The following C8orf82 variants were observed in gnomAD, a reference collection of about 807,000 sequenced individuals.
C8orf82 encodes the protein UPF0598 protein C8orf82.
In C8orf82, 24 loss-of-function variants were observed where a neutral mutation model predicts 15.0. The observed-to-expected ratio is 1.60, with a 90% confidence interval of 1.16 to 2.24. The LOEUF is 2.24. Among genes scored for constraint, C8orf82 ranks in the 30% most tolerant of loss-of-function variants. The probability of loss-of-function intolerance (pLI) is 0.00; values close to 1 mark genes in which losing one functional copy is unlikely to be tolerated. For missense variants in C8orf82, 388 were observed against 317.4 expected, an observed-to-expected ratio of 1.22 and a Z score of -1.69; for synonymous variants, 205 against 152.2, an observed-to-expected ratio of 1.35 and a Z score of -2.55.
chr8:144,528,932 G>C lies in C8orf82; in HGVS notation c.-16C>G, dbSNP rs1404350697. ...GCGGCCACATTCTCCTCCCGCGCCG[G>C]AAGCGACCAGCAGGTCACGCCGGGG... On this transcript the variant is annotated 5_prime_UTR_variant, in exon 1 of 3. Transcript: ENST00000524821. The C allele has an allele frequency of 1.3e-6, 2 of 1,499,506 alleles. No individual in the cohort carries two copies. The allele number at this position is 1,499,506 out of a possible 1,614,324, so 92.9% of individuals were successfully genotyped here. A position where few individuals can be genotyped will look rare whatever the true frequency, so the allele number is the denominator to read the frequency against.
In C8orf82 at chr8:144,528,815, C is replaced by T; in HGVS notation, c.102G>A (p.Gln34=). The change falls in exon 1 of 3, where the codon CAG becomes CAA. Residue 34 remains glutamine (Q), a synonymous_variant. Coordinates refer to ENST00000524821, the MANE Select transcript of C8orf82 (RefSeq NM_001001795.2). ...GDGGVSYTQG[Q]SPEPRTREYF... is the part of the protein sequence containing the mutation. Reference sequence around the variant, plus strand: ...ACTCGCGGGTCCGCGGCTCCGGACTCTGGCCCTGCGTGTAGGAAACGCCCC... The same window carrying T: ...ACTCGCGGGTCCGCGGCTCCGGACTTTGGCCCTGCGTGTAGGAAACGCCCC... 3 of 1,507,690 alleles carry T rather than the reference C, an allele frequency of 2.0e-6. No homozygotes were observed. Among genetic ancestry groups the T allele is most frequent in the Non-Finnish European group, 2.7e-6 (3 of 1,129,864 alleles). The allele number at this position is 1,507,690 out of a possible 1,614,324, so 93.4% of individuals were successfully genotyped here.
chr8:144,528,293 T>G (rs1205800660), intron 1 of C8orf82: 2 of 1,509,338 alleles, frequency 1.3e-6, no homozygotes, highest in South Asian at 2.4e-5. Flanking sequence ...AGCCAATTCT[T>G]TCCCGCACCT....
chr8:144,528,150 G>A lies in C8orf82; in HGVS notation c.157-78C>T, dbSNP rs1816451001. ...GGAAGCTCAGGAGGTCCTGAAGCTC[G>A]GGAGGTCCTGAACCGGCCCGAGCCC... On this transcript the variant is annotated intron_variant, in intron 1 of 2. Coordinates refer to ENST00000524821, the MANE Select transcript of C8orf82 (RefSeq NM_001001795.2). 2.5e-6 allele frequency: 4 copies of A among 1,578,006 alleles called. No individual in the cohort carries two copies. The Admixed American group carries it at 5.1e-5, about 20-fold the overall frequency.
In C8orf82 at chr8:144,528,090, G is replaced by C; in HGVS notation, c.157-18C>G. The C allele has an allele frequency of 6.2e-7, 1 of 1,612,290 alleles. No individual in the cohort carries two copies. Among genetic ancestry groups the C allele is most frequent in the Non-Finnish European group, 8.5e-7 (1 of 1,179,614 alleles). On this transcript the variant is annotated intron_variant, in intron 1 of 2. Coordinates refer to ENST00000524821, the MANE Select transcript of C8orf82 (RefSeq NM_001001795.2). ...AGGAAAAGCTGCAGATAGAGGGCCA[G>C]GCCGTGATAAGTCCCAGCGTGCAGG...
Position 144,529,048 on chromosome 8 carries a change from T to G in C8orf82, c.-132A>C. The G allele has an allele frequency of 1.1e-6, 1 of 933,984 alleles. No individual in the cohort carries two copies. The highest frequency in any genetic ancestry group is 1.5e-6 in the Non-Finnish European group (1 of 689,144). 57.9% of individuals were successfully genotyped at this position (933,984 alleles called of 1,614,324 possible). On this transcript the variant is annotated 5_prime_UTR_variant, in exon 1 of 3. Coordinates refer to ENST00000524821, the MANE Select transcript of C8orf82 (RefSeq NM_001001795.2). ...CTCCGCGACCCGGGCCCGGCGCTCT[T>G]CCCTCTCCCTCGGGCCTCGGGGGCT...
In C8orf82 at chr8:144,527,295, G is replaced by T; in HGVS notation, c.*47C>A. On this transcript the variant is annotated 3_prime_UTR_variant, in exon 3 of 3. Transcript: ENST00000524821. ...TTCCGGGGCGTGGAGTCCCGGGGGA[G>T]CGGGGCGAGAGGCGCCCGCGGCCTC... 8.8e-7 allele frequency: 1 copy of T among 1,131,462 alleles called. No individual in the cohort carries two copies. Among genetic ancestry groups the T allele is most frequent in the Non-Finnish European group, 1.1e-6 (1 of 916,842 alleles). 70.1% of individuals were successfully genotyped at this position (1,131,462 alleles called of 1,614,324 possible).
At chr8:144,528,469 G>T in intron 1 of C8orf82, 1 of 1,466,024 alleles carries the variant, frequency 6.8e-7, no homozygotes, top group South Asian at 1.3e-5. Context: ...CCGGGGCTGG[G>T]GACTTGTAGG....
intron 2 of C8orf82, 113 bp from the exon 3 acceptor site, chr8:144,527,900 C>A: frequency 2.0e-6 from 3 of 1,506,420 alleles, no homozygotes; most frequent in Non-Finnish European, 2.8e-6. Context: ...CCTCACTCAG[C>A]GGGGCTCCTG....
chr8:144,528,616 C>CCGGGGGGGGGGGGG, intron 1 of C8orf82, 145 bp downstream of exon 1: 11 of 295,994 alleles, frequency 3.7e-5, no homozygotes, highest in Middle Eastern at 1.3e-3. Context: ...GCGCAGGCCC[C>CCGGGGGGGGGGGGG]GCCCACCCAC....
rs927488567 is a variant in C8orf82 at position 144,528,575 on chromosome 8, C to T, written c.156+186G>A. The T allele has an allele frequency of 5.5e-6, 7 of 1,262,162 alleles. No individual in the cohort carries two copies. In the Admixed American group the frequency reaches 1.3e-4, roughly 23 times the overall value. 78.2% of individuals were successfully genotyped at this position (1,262,162 alleles called of 1,614,324 possible). ...CTCCCCGTCTTTCCAGCGCGCTCTC[C>T]TCCAGCTCTGAGGAGTCGAGGTTGC... On this transcript the variant is annotated intron_variant, in intron 1 of 2. Transcript: ENST00000524821.
At chr8:144,528,258 C>T in intron 1 of C8orf82, 186 bp from the exon 2 acceptor site, 1 of 1,496,706 alleles carries the variant, frequency 6.7e-7, no homozygotes, top group Non-Finnish European at 8.9e-7. Flanking sequence ...TTATCCGCGT[C>T]TATGCGCACC....
chr8:144,529,007 T>G lies in C8orf82; in HGVS notation c.-91A>C. On this transcript the variant is annotated 5_prime_UTR_variant, in exon 1 of 3. Transcript: ENST00000524821. ...GCCCGCAGTAGCCCCGCGCTTCGCG[T>G]TCCGGCGGCGCCCGCCTCCGCGACC... The G allele has an allele frequency of 7.7e-7, 1 of 1,304,290 alleles. No individual in the cohort carries two copies. 80.8% of individuals were successfully genotyped at this position (1,304,290 alleles called of 1,614,324 possible).
chr8:144,528,813 C>G lies in C8orf82; in HGVS notation c.104G>C (p.Ser35Thr). The change falls in exon 1 of 3, where the codon AGT (serine) becomes ACT (threonine). Residue 35 changes from serine (S) to threonine (T), a missense_variant. By Grantham distance (58) the Ser-to-Thr change is moderately conservative (BLOSUM62 1). Coordinates refer to ENST00000524821, the MANE Select transcript of C8orf82 (RefSeq NM_001001795.2). ...DGGVSYTQGQSPEPRTREYFY... is the reference protein window; with the variant it reads ...DGGVSYTQGQTPEPRTREYFY... ...ATACTCGCGGGTCCGCGGCTCCGGA[C>G]TCTGGCCCTGCGTGTAGGAAACGCC... 4 of 1,504,394 alleles carry G rather than the reference C, an allele frequency of 2.7e-6. No homozygotes were observed. The highest frequency in any genetic ancestry group is 1.5e-5 in the African/African-American group (1 of 68,552). The allele number at this position is 1,504,394 out of a possible 1,614,324, so 93.2% of individuals were successfully genotyped here.
In C8orf82 at chr8:144,529,047, TTCCCTCTCCCTCGGGCCTCGG is replaced by T; in HGVS notation, c.-152_-132del. On this transcript the variant is annotated 5_prime_UTR_variant, in exon 1 of 3. Transcript: ENST00000524821. ...CCTCCGCGACCCGGGCCCGGCGCTC[TTCCCTCTCCCTCGGGCCTCGG>T]GGGCTCGCCCGCCCTGGCCTTCCGA... is the stretch of plus-strand genomic sequence containing the variant. 1 of 949,280 alleles carries T rather than the reference TTCCCTCTCCCTCGGGCCTCGG, an allele frequency of 1.1e-6. No individual in the cohort carries two copies. The highest frequency in any genetic ancestry group is 1.4e-6 in the Non-Finnish European group (1 of 702,302). The allele number at this position is 949,280 out of a possible 1,614,324, so 58.8% of individuals were successfully genotyped here. A position where few individuals can be genotyped will look rare whatever the true frequency, so the allele number is the denominator to read the frequency against.
chr8:144,527,510 A>G lies in C8orf82; in HGVS notation c.483T>C (p.Arg161=). ...NGRLYHPAPE[R]AGGVGLVRSA... ...AGCGCACCAGGCCCACGCCGCCCGC[A>G]CGCTCCGGCGCCGGGTGGTACAGGC... is the stretch of plus-strand genomic sequence containing the variant. Residue 161 remains arginine, a synonymous_variant, in exon 3 of 3, where the codon CGT becomes CGC. Coordinates refer to ENST00000524821, the MANE Select transcript of C8orf82 (RefSeq NM_001001795.2). The G allele has an allele frequency of 7.7e-7, 1 of 1,303,344 alleles. No homozygotes were observed. The highest frequency in any genetic ancestry group is 9.7e-7 in the Non-Finnish European group (1 of 1,028,188). The allele number at this position is 1,303,344 out of a possible 1,614,324, so 80.7% of individuals were successfully genotyped here.
chr8:144,528,459 C>T, intron 1 of C8orf82: 1 of 1,475,664 alleles, frequency 6.8e-7, no homozygotes, highest in Non-Finnish European at 9.0e-7. Context: ...GAAGTCAGCG[C>T]CGGGGCTGGG....
Position 144,527,650 on chromosome 8 carries a change from T to TG in C8orf82, c.342dup (p.Thr115HisfsTer138). On this transcript the variant is annotated frameshift_variant, in exon 3 of 3. Transcript: ENST00000524821. LOFTEE classifies it high-confidence loss of function. ...CCGTGGTCCGCGGTCAGCAGGTGCG[T>TG]GAAGACCACCGGCCGGTCCTCGCAG... 1 of 1,546,212 alleles carries TG rather than the reference T, an allele frequency of 6.5e-7. No homozygotes were observed. The highest frequency in any genetic ancestry group is 8.7e-7 in the Non-Finnish European group (1 of 1,153,058).
At chr8:144,528,704 C>CCCCCCCCCCCCCA in intron 1 of C8orf82, 57 bp downstream of exon 1, 1 of 571,400 alleles carries the variant, frequency 1.8e-6, no homozygotes, top group Non-Finnish European at 2.4e-6. Context: ...CCCCCCCGCC[C>CCCCCCCCCCCCCA]CGCCCAGAGA....
rs1816525956 is a variant in C8orf82 at position 144,529,038 on chromosome 8, C to A, written c.-122G>T. 1 of 1,059,484 alleles carries A rather than the reference C, an allele frequency of 9.4e-7. No individual in the cohort carries two copies. The highest frequency in any genetic ancestry group is 1.3e-6 in the Non-Finnish European group (1 of 799,644). 65.6% of individuals were successfully genotyped at this position (1,059,484 alleles called of 1,614,324 possible). A position where few individuals can be genotyped will look rare whatever the true frequency, so the allele number is the denominator to read the frequency against. On this transcript the variant is annotated 5_prime_UTR_variant, in exon 1 of 3. Coordinates refer to ENST00000524821, the MANE Select transcript of C8orf82 (RefSeq NM_001001795.2). ...CGGCGCCCGCCTCCGCGACCCGGGC[C>A]CGGCGCTCTTCCCTCTCCCTCGGGC...
Sources: gnomAD v4.1 joint callset for allele counts on GRCh38, gnomAD v4.1.1 for gene constraint, MANE v1.5 for transcripts, NCBI Gene and HGNC (gene_info 2026-07-23, HGNC 2026-07-21) for gene names.